SEC61G: variants seen among roughly 807,000 people sequenced by gnomAD.
SEC61G encodes the protein protein transport protein Sec61 subunit gamma.
A neutral mutation model predicts 7.5 loss-of-function variants in SEC61G; 4 were observed. That is an observed-to-expected ratio of 0.54 (90% CI 0.26 to 1.22). The LOEUF is 1.22. Among genes scored for constraint, SEC61G ranks in the 50% most tolerant of loss-of-function variants. The pLI is 0.12. For missense variants in SEC61G, 53 were observed against 84.6 expected, an observed-to-expected ratio of 0.63 and a Z score of 1.46; for synonymous variants, 24 against 24.4, an observed-to-expected ratio of 0.98 and a Z score of 0.05.
chr7:54,755,193 T>C (rs1449365873), intron 3 of SEC61G: 1 of 152,224 alleles, frequency 6.6e-6, no homozygotes, highest in South Asian at 2.1e-4. Context: ...GATATTCTCC[T>C]ATCAGTATCA....
At chr7:54,752,497 G>T (rs1317187425) in intron 3 of SEC61G, 77 bp from the exon 4 acceptor site, 3 of 928,776 alleles carry the variant, frequency 3.2e-6, no homozygotes, top group Non-Finnish European at 3.2e-6. Context: ...AATGCAATAT[G>T]CTATAACTTT....
chr7:54,756,849 T>G (rs995694028), intron 2 of SEC61G, among the ~76,000 whole-genome samples: 5 of 151,208 alleles, frequency 3.3e-5, no homozygotes, highest in Admixed American at 2.6e-4. Flanking sequence ...TTTATGACAG[T>G]CTTCCTTGGT....
At chr7:54,758,987 T>C (rs918409495) in intron 1 of SEC61G, 171 bp downstream of exon 1, 2 of 319,382 alleles carry the variant, frequency 6.3e-6, no homozygotes, top group Non-Finnish European at 1.2e-5. Flanking sequence ...GAGGCCGAGT[T>C]GGTGGGATGT....
At position 54,759,208 on chromosome 7, in the gene SEC61G, T is replaced by C. The variant is rs781498655; in HGVS notation, c.-57A>G. ...AGGGACACGTAGCACTGGAGCTTGCTGATGGAGGCCCACCGGAACCGGAAT... is the reference window on the plus strand; with the variant it reads ...AGGGACACGTAGCACTGGAGCTTGCCGATGGAGGCCCACCGGAACCGGAAT... On this transcript the variant is annotated 5_prime_UTR_variant, in exon 1 of 4. Transcript: ENST00000352861. The C allele has an allele frequency of 3.9e-6, 2 of 519,076 alleles. No homozygotes were observed. Among genetic ancestry groups the C allele is most frequent in the Non-Finnish European group, 7.7e-6 (2 of 259,880 alleles). The allele number at this position is 519,076 out of a possible 1,614,324, so 32.2% of individuals were successfully genotyped here. A position where few individuals can be genotyped will look rare whatever the true frequency, so the allele number is the denominator to read the frequency against.
chr7:54,757,513 T>C lies in SEC61G; in HGVS notation c.76A>G (p.Thr26Ala). The C allele has an allele frequency of 1.2e-6, 2 of 1,613,906 alleles. No individual in the cohort carries two copies. The highest frequency in any genetic ancestry group is 8.5e-7 in the Non-Finnish European group (1 of 1,179,790). ...KDSIRLVKRC[T>A]KPDRKEFQKI... ...CAATTACCTTTTCTATCAGGTTTAG[T>C]GCATCTTTTAACCAGCCGAATGGAG... The change falls in exon 2 of 4, where the codon ACT becomes GCT. Residue 26 changes from threonine to alanine, a missense_variant. Coordinates refer to ENST00000352861, the MANE Select transcript of SEC61G (RefSeq NM_014302.4).
At chr7:54,758,941 G>A in intron 1 of SEC61G, 1 of 286,402 alleles carries the variant, frequency 3.5e-6, no homozygotes, top group South Asian at 2.7e-5. Context: ...CACCCAGCTC[G>A]CCGGGAGTCC....
intron 1 of SEC61G, 132 bp from the exon 2 acceptor site, chr7:54,757,726 T>C (rs1791548539): frequency 3.2e-6 from 2 of 631,186 alleles, no homozygotes; most frequent in East Asian, 2.8e-5. Flanking sequence ...CCTCCTAAAA[T>C]AAAACAAAAA....
intron 2 of SEC61G, 27 bp from the exon 3 acceptor site, chr7:54,755,908 TA>T (rs1273288602): frequency 6.9e-7 from 1 of 1,444,942 alleles, no homozygotes; most frequent in African/African-American, 1.4e-5. Flanking sequence ...GAAATTCACA[TA>T]TTTTTTGCAC....
intron 1 of SEC61G, among the ~76,000 whole-genome samples, chr7:54,758,297 T>G (rs895701796): frequency 1.3e-5 from 2 of 152,192 alleles, no homozygotes; most frequent in African/African-American, 4.8e-5. Context: ...TATTACCCAA[T>G]AGAAATGTTA....
intron 3 of SEC61G, among the ~76,000 whole-genome samples, chr7:54,754,161 C>T (rs1256637377): frequency 2.6e-5 from 4 of 151,892 alleles, no homozygotes; most frequent in African/African-American, 7.3e-5. Context: ...AAGTGAAGGC[C>T]GGGGAAAAAA....
intron 2 of SEC61G, among the ~76,000 whole-genome samples, chr7:54,756,246 G>T (rs571186903): frequency 6.6e-6 from 1 of 151,158 alleles, no homozygotes; most frequent in East Asian, 1.9e-4. Context: ...ATGTAACATT[G>T]TAATTTTTAT....
chr7:54,756,958 CTATATACTA>C (rs900677012), intron 2 of SEC61G, among the ~76,000 whole-genome samples: 35 of 142,928 alleles, frequency 2.4e-4, no homozygotes, highest in African/African-American at 7.4e-4. Flanking sequence ...TATATATATA[CTATATACTA>C]TATATACTAT....
intron 2 of SEC61G, among the ~76,000 whole-genome samples, chr7:54,757,265 C>T (rs1381659957): frequency 2.0e-5 from 3 of 151,994 alleles, no homozygotes; most frequent in African/African-American, 7.2e-5. Context: ...TAAAATGTTA[C>T]ATGGAACATA....
rs1056977644 is a variant in SEC61G, at chr7:54,756,912, CAT to C, written c.94+581_94+582del. On this transcript the variant is annotated intron_variant, in intron 2 of 3. Transcript: ENST00000352861. Reference sequence around the variant, plus strand: ...ACTATTCTCTTTACTATAATATATACATGTTATATACTATATTATATACTATA... The same window carrying C: ...ACTATTCTCTTTACTATAATATATACGTTATATACTATATTATATACTATA... Among the ~76,000 whole-genome samples, 200 of 147,696 alleles carry C rather than the reference CAT, an allele frequency of 1.4e-3. 1 individual carries two copies. Among genetic ancestry groups the C allele is most frequent in the African/African-American group, 4.0e-3 (163 of 40,598 alleles).
chr7:54,756,713 A>G (rs1483558852), intron 2 of SEC61G, among the ~76,000 whole-genome samples: 1 of 152,004 alleles, frequency 6.6e-6, no homozygotes, highest in African/African-American at 2.4e-5. Context: ...GTTACTTCCT[A>G]AGAGAAGCTT....
intron 2 of SEC61G, among the ~76,000 whole-genome samples, chr7:54,757,074 A>G (rs2116348347): frequency 6.6e-6 from 1 of 151,012 alleles, no homozygotes; most frequent in East Asian, 1.9e-4. Context: ...GAATAAAAGT[A>G]GACAAATTTA....
chr7:54,755,144 T>C (rs1295176619), intron 3 of SEC61G: 1 of 152,232 alleles, frequency 6.6e-6, no homozygotes, highest in Non-Finnish European at 1.5e-5. Flanking sequence ...TCCCAGTGTT[T>C]CTCAGCCTTT....
In SEC61G at chr7:54,757,530, C is replaced by A. The variant is rs1237768167; in HGVS notation, c.59G>T (p.Arg20Leu). ...AGGTTTAGTGCATCTTTTAACCAGC[C>A]GAATGGAGTCCTTTACAAACTGCCG... ...PSRQFVKDSI[R>L]LVKRCTKPDR... The change falls in exon 2 of 4, where the codon CGG becomes CTG. Residue 20 changes from arginine (R) to leucine (L), a missense_variant. Arg to Leu is a moderately radical substitution (Grantham distance 102). Coordinates refer to ENST00000352861, the MANE Select transcript of SEC61G (RefSeq NM_014302.4). The A allele has an allele frequency of 6.2e-7, 1 of 1,613,998 alleles. No homozygotes were observed. The highest frequency in any genetic ancestry group is 1.3e-5 in the African/African-American group (1 of 75,004).
At chr7:54,756,827 C>T (rs1344925046) in intron 2 of SEC61G, among the ~76,000 whole-genome samples, 1 of 151,474 alleles carries the variant, frequency 6.6e-6, no homozygotes, top group Non-Finnish European at 1.5e-5. Context: ...AAAATATAAC[C>T]GCAATAATTT....
Sources: allele counts gnomAD v4.1 joint callset (sites outside exome capture counted in the v4.1 genomes callset), GRCh38; gene constraint gnomAD v4.1.1; transcripts MANE v1.5; gene names NCBI Gene and HGNC (gene_info 2026-07-23, HGNC 2026-07-21).